ECRG4: variants seen among roughly 807,000 people sequenced by gnomAD.
ECRG4 encodes the protein ECRG4 augurin precursor.
In ECRG4, 18 loss-of-function variants were observed where a neutral mutation model predicts 15.8. The observed-to-expected ratio is 1.14, with a 90% CI of 0.79 to 1.69. The LOEUF (loss-of-function observed/expected upper bound fraction) is 1.69, where lower values mean the gene tolerates loss of function less well. ECRG4 is among the 40% of genes most tolerant of loss of function. The probability of loss-of-function intolerance (pLI) is 0.00; values close to 1 mark genes in which losing one functional copy is unlikely to be tolerated. For missense variants in ECRG4, 200 were observed against 190.9 expected (o/e 1.05, Z -0.28); for synonymous variants, 82 against 73.9 (o/e 1.11, Z -0.56).
intron 2 of ECRG4, 101 bp downstream of exon 2, chr2:106,071,992 A>G (rs1013628475): frequency 2.9e-6 from 3 of 1,018,506 alleles, no homozygotes; most frequent in Non-Finnish European, 4.5e-6. Flanking sequence ...TGGAAAATCA[A>G]AAGTGTTTAC....
chr2:106,063,318 A>T (rs1213789135), upstream of ECRG4: 5 of 152,192 alleles, frequency 3.3e-5, no homozygotes, highest in Non-Finnish European at 7.3e-5. Context: ...TTAGTCTTGA[A>T]TTTCCAGCCT....
chr2:106,076,456 G>C (rs1198157224), intron 3 of ECRG4, among the ~76,000 whole-genome samples: 1 of 152,158 alleles, frequency 6.6e-6, no homozygotes, highest in Admixed American at 6.5e-5. Flanking sequence ...CCTTCCCAAG[G>C]CAGAGGCTGA....
chr2:106,073,065 C>T (rs1488116305), intron 2 of ECRG4, among the ~76,000 whole-genome samples: 2 of 152,232 alleles, frequency 1.3e-5, no homozygotes, highest in African/African-American at 2.4e-5. Context: ...TGCACCAGGC[C>T]TGCATTTCCA....
At chr2:106,072,776 G>T (rs540678710) in intron 2 of ECRG4, among the ~76,000 whole-genome samples, 5 of 152,252 alleles carry the variant, frequency 3.3e-5, no homozygotes, top group South Asian at 2.1e-4. Context: ...TCTCTGAGGC[G>T]GCTCAGAGGG....
chr2:106,065,735 C>T lies in ECRG4; in HGVS notation c.-30C>T, dbSNP rs1347079848. The T allele has an allele frequency of 6.8e-7, 1 of 1,463,556 alleles. No homozygotes were observed. Among genetic ancestry groups the T allele is most frequent in the Non-Finnish European group, 9.0e-7 (1 of 1,111,146 alleles). The allele number at this position is 1,463,556 out of a possible 1,614,324, so 90.7% of individuals were successfully genotyped here. ...TCCCTCGCAGCACCTCGAAGTGCGC[C>T]CCTCGCCCTCCTGCTCGCGCCCCGC... On this transcript the variant is annotated 5_prime_UTR_variant, in exon 1 of 4. Transcript: ENST00000238044.
upstream of ECRG4, chr2:106,063,556 C>G (rs893870820): frequency 2.0e-5 from 3 of 152,186 alleles, no homozygotes; most frequent in African/African-American, 7.2e-5. Context: ...CTACAGAACA[C>G]TCTCTGGTCA....
At chr2:106,067,061 G>GGGGGT (rs1553411452) in intron 1 of ECRG4, among the ~76,000 whole-genome samples, 4 of 61,326 alleles carry the variant, frequency 6.5e-5, no homozygotes, top group Non-Finnish European at 1.5e-4. Flanking sequence ...TGGGAGGCCG[G>GGGGGT]GGGGGGGGGG....
At position 106,065,733 on chromosome 2, in the gene ECRG4, G is replaced by GCC. The variant is rs1676195008; in HGVS notation, c.-29_-28dup. 6.9e-7 allele frequency: 1 copy of GCC among 1,454,892 alleles called. No homozygotes were observed. Among genetic ancestry groups the GCC allele is most frequent in the Admixed American group, 2.4e-5 (1 of 41,404 alleles). 90.1% of individuals were successfully genotyped at this position (1,454,892 alleles called of 1,614,324 possible). A position where few individuals can be genotyped will look rare whatever the true frequency, so the allele number is the denominator to read the frequency against. On this transcript the variant is annotated 5_prime_UTR_variant, in exon 1 of 4. Transcript: ENST00000238044. ...TCTCCCTCGCAGCACCTCGAAGTGC[G>GCC]CCCCTCGCCCTCCTGCTCGCGCCCC... is the stretch of plus-strand genomic sequence containing the variant.
At chr2:106,075,074 G>T (rs1676456578) in intron 3 of ECRG4, among the ~76,000 whole-genome samples, 1 of 151,866 alleles carries the variant, frequency 6.6e-6, no homozygotes, top group South Asian at 2.1e-4. Flanking sequence ...TCTGAGCCAA[G>T]CATGATTCTA....
At chr2:106,075,100 G>C (rs536477708) in intron 3 of ECRG4, among the ~76,000 whole-genome samples, 1 of 151,908 alleles carries the variant, frequency 6.6e-6, no homozygotes, top group East Asian at 1.9e-4. Context: ...TTAGAGGTAC[G>C]AACTTACTTC....
upstream of ECRG4, among the ~76,000 whole-genome samples, chr2:106,064,641 CACTCCAGCCTGGGCAACAAGAGTGAA>C (rs1462578626): frequency 1.4e-4 from 21 of 152,302 alleles, no homozygotes; most frequent in African/African-American, 5.1e-4. Flanking sequence ...CCCATCACTG[CACTCCAGCCTGGGCAACAAGAGTGAA>C]ACTCCGTCTC....
chr2:106,067,472 A>T (rs936110434), intron 1 of ECRG4, among the ~76,000 whole-genome samples: 39 of 145,676 alleles, frequency 2.7e-4, no homozygotes, highest in Admixed American at 8.2e-4. Context: ...CAGTGAAAAT[A>T]TTTTTTTTTT....
chr2:106,072,143 C>T (rs950770927), intron 2 of ECRG4: 17 of 449,900 alleles, frequency 3.8e-5, no homozygotes, highest in Non-Finnish European at 6.4e-5. Flanking sequence ...ATAAAAGAAA[C>T]AGTAGTACAG....
At chr2:106,072,112 C>A (rs1037974415) in intron 2 of ECRG4, 19 of 508,516 alleles carry the variant, frequency 3.7e-5, no homozygotes, top group Non-Finnish European at 5.9e-5. Flanking sequence ...TTTTCTGAAA[C>A]CTGTCAGTGT....
At chr2:106,072,218 A>C (rs1319184819) in intron 2 of ECRG4, 2 of 214,114 alleles carry the variant, frequency 9.3e-6, no homozygotes, top group East Asian at 1.0e-4. Context: ...TGGAACACAT[A>C]ATCCTCAGTT....
intron 1 of ECRG4, among the ~76,000 whole-genome samples, chr2:106,068,878 G>C (rs909092704): frequency 2.6e-5 from 4 of 152,178 alleles, no homozygotes; most frequent in African/African-American, 9.7e-5. Context: ...CATCTAATTA[G>C]AAAATCCCCT....
chr2:106,077,774 G>A lies in ECRG4; in HGVS notation c.295G>A (p.Asp99Asn). Residue 99 changes from aspartate to asparagine, a missense_variant, in exon 4 of 4, where the codon GAT becomes AAT. Physicochemically the swap from Asp to Asn is conservative, Grantham distance 23 (BLOSUM62 1). Transcript: ENST00000238044. ...YMGFDEAKFE[D>N]DITYWLNRDR... Reference sequence around the variant, plus strand: ...CTCTCTTTTCCTCCAGAAATTTGAAGATGACATCACCTATTGGCTTAACAG... The same window carrying A: ...CTCTCTTTTCCTCCAGAAATTTGAAAATGACATCACCTATTGGCTTAACAG... The A allele has an allele frequency of 6.2e-7, 1 of 1,613,558 alleles. No individual in the cohort carries two copies. The highest frequency in any genetic ancestry group is 8.5e-7 in the Non-Finnish European group (1 of 1,179,730).
chr2:106,063,513 G>T (rs1052070021), upstream of ECRG4: 1 of 152,144 alleles, frequency 6.6e-6, no homozygotes, highest in South Asian at 2.1e-4. Context: ...TGAGTTTAGC[G>T]GCCCCTCTGA....
intron 1 of ECRG4, among the ~76,000 whole-genome samples, chr2:106,070,521 C>T (rs1158495468): frequency 6.6e-6 from 1 of 152,232 alleles, no homozygotes; most frequent in Non-Finnish European, 1.5e-5. Flanking sequence ...TAATAAAATG[C>T]AGCCTCAGGT....
Sources: gnomAD v4.1 joint callset for allele counts (sites outside exome capture counted in the v4.1 genomes callset) on GRCh38, gnomAD v4.1.1 for gene constraint, MANE v1.5 for transcripts, NCBI Gene and HGNC (gene_info 2026-07-23, HGNC 2026-07-21) for gene names.